EDDM13: variants seen among roughly 807,000 people sequenced by gnomAD.
The protein encoded by EDDM13 is epididymal protein 13.
A neutral mutation model predicts 17.8 loss-of-function variants in EDDM13; 24 were observed. The observed-to-expected ratio is 1.35, with a 90% CI of 0.98 to 1.90. The LOEUF is 1.90. Among genes scored for constraint, EDDM13 ranks in the 40% most tolerant of loss-of-function variants. EDDM13 has a pLI of 0.00. For synonymous variants in EDDM13, 31 were observed against 37.5 expected, an observed-to-expected ratio of 0.83 and a Z score of 0.63; for missense variants, 97 against 100.8, an observed-to-expected ratio of 0.96 and a Z score of 0.16.
chr19:56,282,408 T>C (rs918767144), intron 3 of EDDM13, 83 bp from the exon 4 acceptor site: 20 of 844,878 alleles, frequency 2.4e-5, no homozygotes, highest in Admixed American at 1.2e-4. Flanking sequence ...ATTCCTTTCA[T>C]ATTCTCTCTG....
intron 14 of EDDM13, among the ~76,000 whole-genome samples, chr19:56,305,308 T>C (rs77654020): frequency 0.016 from 2,377 of 152,342 alleles, 63 homozygotes; most frequent in African/African-American, 0.055. Context: ...TCACCTACTC[T>C]GGTCATTTCA....
At chr19:56,293,729 T>C (rs1289124060) in intron 9 of EDDM13, among the ~76,000 whole-genome samples, 3 of 152,086 alleles carry the variant, frequency 2.0e-5, no homozygotes, top group Admixed American at 6.5e-5. Flanking sequence ...CACCTGGCAA[T>C]GCCTAGAGAT....
At chr19:56,305,350 TG>T (rs943052072) in intron 14 of EDDM13, among the ~76,000 whole-genome samples, 1 of 152,222 alleles carries the variant, frequency 6.6e-6, no homozygotes, top group African/African-American at 2.4e-5. Context: ...CGTGGCCCTT[TG>T]CATCTGGGTT....
intron 11 of EDDM13, among the ~76,000 whole-genome samples, chr19:56,296,657 G>A (rs1472317171): frequency 3.3e-5 from 5 of 152,182 alleles, no homozygotes; most frequent in East Asian, 1.9e-4. Context: ...AAAAAACAAA[G>A]AGCAGTAGTT....
At chr19:56,274,061 T>C (rs565266376) in intron 1 of EDDM13, among the ~76,000 whole-genome samples, 82 of 152,296 alleles carry the variant, frequency 5.4e-4, no homozygotes, top group Non-Finnish European at 1.1e-3. Context: ...ATGGGTCAGA[T>C]GCTGGTGGTT....
At chr19:56,299,337 T>G (rs1428549561) in intron 12 of EDDM13, among the ~76,000 whole-genome samples, 5 of 152,066 alleles carry the variant, frequency 3.3e-5, no homozygotes, top group East Asian at 3.9e-4. Flanking sequence ...CTCCCTATGT[T>G]GCCCAGGCTG....
At chr19:56,287,433 A>C (rs2039208448) in intron 6 of EDDM13, among the ~76,000 whole-genome samples, 1 of 151,998 alleles carries the variant, frequency 6.6e-6, no homozygotes. Context: ...TTGCCTGCGG[A>C]GCTACACAGT....
chr19:56,300,926 C>T (rs569020594), intron 12 of EDDM13, among the ~76,000 whole-genome samples: 7 of 152,260 alleles, frequency 4.6e-5, no homozygotes, highest in African/African-American at 1.2e-4. Flanking sequence ...GCGACACGGT[C>T]GGATCTGGTG....
intron 4 of EDDM13, 114 bp downstream of exon 4, chr19:56,282,613 C>A: frequency 3.7e-6 from 2 of 539,630 alleles, no homozygotes; most frequent in Non-Finnish European, 4.7e-6. Flanking sequence ...CACAGCTTAG[C>A]TTCTAATAGC....
At chr19:56,292,583 C>T (rs531610668) in intron 9 of EDDM13, among the ~76,000 whole-genome samples, 1 of 152,004 alleles carries the variant, frequency 6.6e-6, no homozygotes, top group South Asian at 2.1e-4. Flanking sequence ...CCACTGCACC[C>T]ACCTTAACCA....
intron 1 of EDDM13, chr19:56,274,618 A>G (rs2038115700): frequency 6.6e-6 from 1 of 152,210 alleles, no homozygotes; most frequent in Non-Finnish European, 1.5e-5. Flanking sequence ...CCATAGCACA[A>G]TGACTAAAAG....
chr19:56,296,714 T>C (rs1352324654), intron 11 of EDDM13, among the ~76,000 whole-genome samples: 1 of 151,914 alleles, frequency 6.6e-6, no homozygotes, highest in Non-Finnish European at 1.5e-5. Flanking sequence ...AATAGAGTAA[T>C]GGGGATGGAA....
At chr19:56,275,347 T>C (rs935713241) in intron 1 of EDDM13, among the ~76,000 whole-genome samples, 1 of 152,210 alleles carries the variant, frequency 6.6e-6, no homozygotes, top group Non-Finnish European at 1.5e-5. Context: ...ATATATTCAA[T>C]GGCCTTTCTC....
At chr19:56,275,273 G>C (rs1600155243) in intron 1 of EDDM13, among the ~76,000 whole-genome samples, 1 of 152,162 alleles carries the variant, frequency 6.6e-6, no homozygotes, top group East Asian at 1.9e-4. Context: ...TGTGGATCTT[G>C]CTGCAGAAAT....
chr19:56,284,215 C>T lies in EDDM13; in HGVS notation c.127+9C>T, dbSNP rs762154577. On this transcript the variant is annotated intron_variant, in intron 5 of 14. Coordinates refer to ENST00000649256, the MANE Select transcript of EDDM13 (RefSeq NM_001354658.2). ...GCCATCAGGGATCATAGGTAAGTACCTTGCCACTTCACAATGCCCCCAGAC... is the reference window on the plus strand; with the variant it reads ...GCCATCAGGGATCATAGGTAAGTACTTTGCCACTTCACAATGCCCCCAGAC... 3.1e-6 allele frequency: 3 copies of T among 982,876 alleles called. No homozygotes were observed. Among genetic ancestry groups the T allele is most frequent in the Non-Finnish European group, 3.6e-6 (3 of 828,840 alleles). The allele number at this position is 982,876 out of a possible 1,614,324, so 60.9% of individuals were successfully genotyped here.
intron 8 of EDDM13, among the ~76,000 whole-genome samples, 32 bp from the exon 9 acceptor site, chr19:56,290,809 T>C (rs1244760651): frequency 6.6e-6 from 1 of 152,232 alleles, no homozygotes; most frequent in Non-Finnish European, 1.5e-5. Flanking sequence ...CCACACTGAC[T>C]CCCCGAATGC....
Position 56,302,041 on chromosome 19 carries a change from A to G in EDDM13, c.369A>G (p.Lys123=). 1 of 1,231,994 alleles carries G rather than the reference A, an allele frequency of 8.1e-7. No individual in the cohort carries two copies. The highest frequency in any genetic ancestry group is 1.0e-6 in the Non-Finnish European group (1 of 988,210). 76.3% of individuals were successfully genotyped at this position (1,231,994 alleles called of 1,614,324 possible). A position where few individuals can be genotyped will look rare whatever the true frequency, so the allele number is the denominator to read the frequency against. ...GGAAGAACACGTGGAACTTCCTGAA[A>G]TGCGCCTACATGGTGATGACCTACC... ...PKRKNTWNFL[K]CAYMVMTYLF... is the part of the protein sequence containing the mutation. The change falls in exon 13 of 15, where the codon AAA becomes AAG. Residue 123 remains lysine (K), a synonymous_variant. Transcript: ENST00000649256.
At chr19:56,277,049 CACTA>C (rs1431920973) in intron 2 of EDDM13, among the ~76,000 whole-genome samples, 8 of 152,206 alleles carry the variant, frequency 5.3e-5, no homozygotes, top group African/African-American at 2.4e-5. Flanking sequence ...TATCACTTCA[CACTA>C]ACTAACGTGG....
intron 13 of EDDM13, among the ~76,000 whole-genome samples, chr19:56,302,512 TCCTTCCTC>T (rs913380526): frequency 3.3e-5 from 1 of 30,150 alleles, no homozygotes; most frequent in Non-Finnish European, 7.8e-5. Context: ...TGCCCTTCTT[TCCTTCCTC>T]CCTCCCTCCC....
Sources: gnomAD v4.1 joint callset for allele counts (sites outside exome capture counted in the v4.1 genomes callset) on GRCh38, gnomAD v4.1.1 for gene constraint, MANE v1.5 for transcripts, NCBI Gene and HGNC (gene_info 2026-07-23, HGNC 2026-07-21) for gene names.